TXNRD3: variants seen among roughly 807,000 people sequenced by gnomAD.
TXNRD3 encodes the protein TXNRD3 neighbor gene protein.
In TXNRD3, 68 loss-of-function variants were observed where a neutral mutation model predicts 78.2. That is an observed-to-expected ratio of 0.87 (90% CI 0.72 to 1.06). The LOEUF (loss-of-function observed/expected upper bound fraction) is 1.06. TXNRD3 is among the 50% of genes least tolerant of loss of function. TXNRD3 has a pLI of 0.00. For missense variants in TXNRD3, 751 were observed against 809.5 expected (o/e 0.93, Z 0.88); for synonymous variants, 296 against 300.1 (o/e 0.99, Z 0.14).
chr3:126,639,307 C>A (rs980399604), intron 6 of TXNRD3, among the ~76,000 whole-genome samples: 2 of 152,182 alleles, frequency 1.3e-5, no homozygotes, highest in Admixed American at 1.3e-4. Context: ...CCAAACTCCT[C>A]CTGGCTTCTG....
chr3:126,653,496 A>C (rs563926909), intron 1 of TXNRD3, among the ~76,000 whole-genome samples: 1 of 152,406 alleles, frequency 6.6e-6, no homozygotes, highest in South Asian at 2.1e-4. Flanking sequence ...ATGCAAAATC[A>C]AACCATAATG....
intron 5 of TXNRD3, among the ~76,000 whole-genome samples, 191 bp from the exon 6 acceptor site, chr3:126,642,342 T>C (rs192794360): frequency 3.2e-4 from 48 of 151,954 alleles, no homozygotes; most frequent in African/African-American, 1.1e-3. Context: ...CAAAGATGAG[T>C]AAAAATACAG....
intron 1 of TXNRD3, among the ~76,000 whole-genome samples, chr3:126,650,252 A>G (rs1933340012): frequency 6.6e-6 from 1 of 152,176 alleles, no homozygotes; most frequent in Admixed American, 6.5e-5. Flanking sequence ...GTTTCATATG[A>G]TGGCTAGATT....
intron 10 of TXNRD3, chr3:126,624,941 T>G (rs1177714792): frequency 9.9e-6 from 2 of 202,364 alleles, no homozygotes; most frequent in Middle Eastern, 1.1e-3. Context: ...TTGACATAGA[T>G]GCAGGTGCAC....
At chr3:126,644,461 G>C (rs1401562443) in intron 3 of TXNRD3, 60 bp from the exon 4 acceptor site, 7 of 1,146,858 alleles carry the variant, frequency 6.1e-6, no homozygotes, top group African/African-American at 3.1e-5. Context: ...AGCTATTTAT[G>C]TACACCCTAT....
In TXNRD3 at chr3:126,611,150, G is replaced by A. The variant is rs754015073; in HGVS notation, c.1633-18C>T. 51 of 1,452,698 alleles carry A rather than the reference G, an allele frequency of 3.5e-5. No individual in the cohort carries two copies. In the East Asian group the frequency reaches 1.2e-3, roughly 33 times the overall value. 90.0% of individuals were successfully genotyped at this position (1,452,698 alleles called of 1,614,324 possible). On this transcript the variant is annotated intron_variant, in intron 13 of 15. Transcript: ENST00000524230. ...TGATATATCTGGAAGATAAAAGAGA[G>A]AAAAAGGGCAGAATTAATGTATATG...
At chr3:126,611,702 T>C (rs138166166) in intron 13 of TXNRD3, among the ~76,000 whole-genome samples, 1 of 152,298 alleles carries the variant, frequency 6.6e-6, no homozygotes, top group African/African-American at 2.4e-5. Flanking sequence ...TAAAATGCCA[T>C]GTGCCCTCTC....
chr3:126,619,377 A>G (rs1938390410), intron 12 of TXNRD3, among the ~76,000 whole-genome samples: 2 of 152,210 alleles, frequency 1.3e-5, no homozygotes, highest in African/African-American at 4.8e-5. Flanking sequence ...CTATTCAGCC[A>G]TAAAGAAGAA....
At position 126,655,086 on chromosome 3, in the gene TXNRD3, T is replaced by TGCCCTCGCTGGCC; in HGVS notation, c.-109_-97dup. The TGCCCTCGCTGGCC allele has an allele frequency of 1.5e-6, 2 of 1,298,832 alleles. No individual in the cohort carries two copies. The highest frequency in any genetic ancestry group is 8.0e-5 in the Admixed American group (2 of 24,966). 80.5% of individuals were successfully genotyped at this position (1,298,832 alleles called of 1,614,324 possible). ...ACGGGGCCTGAGGGGCGGCGAACGC[T>TGCCCTCGCTGGCC]GCCCTCGCTGGCCACTCTCACCACC... On this transcript the variant is annotated 5_prime_UTR_variant, in exon 1 of 16. Transcript: ENST00000524230.
intron 11 of TXNRD3, among the ~76,000 whole-genome samples, 172 bp downstream of exon 11, chr3:126,622,292 C>A (rs1938475897): frequency 6.6e-6 from 1 of 152,102 alleles, no homozygotes. Flanking sequence ...GGCATATGAG[C>A]TTTTTAAGTA....
chr3:126,637,292 G>GAGT (rs1932931888), intron 6 of TXNRD3, among the ~76,000 whole-genome samples: 1 of 152,090 alleles, frequency 6.6e-6, no homozygotes, highest in Admixed American at 6.5e-5. Flanking sequence ...AATGTCTGAT[G>GAGT]CTGCATATCT....
At position 126,621,909 on chromosome 3, in the gene TXNRD3, T is replaced by A; in HGVS notation, c.1368-11A>T. 6.7e-7 allele frequency: 1 copy of A among 1,491,480 alleles called. No individual in the cohort carries two copies. Among genetic ancestry groups the A allele is most frequent in the Non-Finnish European group, 8.9e-7 (1 of 1,128,976 alleles). The allele number at this position is 1,491,480 out of a possible 1,614,324, so 92.4% of individuals were successfully genotyped here. A position where few individuals can be genotyped will look rare whatever the true frequency, so the allele number is the denominator to read the frequency against. On this transcript the variant is annotated splice_polypyrimidine_tract_variant and intron_variant, in intron 11 of 15. Transcript: ENST00000524230. ...GGTATTTTTCCACTCCTATTAGTTTTTGAAATGGGAAAAAATATATATTAC... is the reference window on the plus strand; with the variant it reads ...GGTATTTTTCCACTCCTATTAGTTTATGAAATGGGAAAAAATATATATTAC...
rs757189962 is a variant in TXNRD3, at chr3:126,644,365, C to T, written c.451G>A (p.Glu151Lys). ...AGATCATAATCATATGCCAAATCTT[C>T]CTGAAGGAGCTTCTGTAACAAACCA... The change falls in exon 4 of 16, where the codon GAA becomes AAA. Residue 151 changes from glutamate to lysine, a missense_variant. By Grantham distance (56) the Glu-to-Lys change is moderately conservative. Coordinates refer to ENST00000524230, the MANE Select transcript of TXNRD3 (RefSeq NM_052883.3). 1.3e-6 allele frequency: 2 copies of T among 1,536,270 alleles called. No homozygotes were observed. The highest frequency in any genetic ancestry group is 8.7e-7 in the Non-Finnish European group (1 of 1,146,932).
At chr3:126,638,349 G>A (rs1932960485) in intron 6 of TXNRD3, among the ~76,000 whole-genome samples, 1 of 152,126 alleles carries the variant, frequency 6.6e-6, no homozygotes, top group South Asian at 2.1e-4. Flanking sequence ...CTCAGATTCT[G>A]ATGACTTCTC....
intron 10 of TXNRD3, chr3:126,624,882 G>T: frequency 4.7e-6 from 1 of 214,762 alleles, no homozygotes; most frequent in Non-Finnish European, 1.0e-5. Flanking sequence ...TGGCTGTGGA[G>T]TGCTTAGTCT....
chr3:126,643,546 T>C (rs1933145164), intron 5 of TXNRD3, among the ~76,000 whole-genome samples: 1 of 152,164 alleles, frequency 6.6e-6, no homozygotes, highest in Non-Finnish European at 1.5e-5. Context: ...ACACAGTACA[T>C]ACACTGTGAC....
intron 9 of TXNRD3, among the ~76,000 whole-genome samples, chr3:126,629,904 A>G (rs978765787): frequency 6.6e-6 from 1 of 152,250 alleles, no homozygotes; most frequent in East Asian, 1.9e-4. Context: ...ATAAATGAGT[A>G]TGGAATTCAG....
intron 6 of TXNRD3, among the ~76,000 whole-genome samples, chr3:126,641,080 T>C (rs1356878245): frequency 6.6e-6 from 1 of 152,204 alleles, no homozygotes; most frequent in East Asian, 1.9e-4. Flanking sequence ...ACCCTAGTTA[T>C]TGATCCTTGT....
At chr3:126,613,443 A>T (rs1938241189) in intron 13 of TXNRD3, among the ~76,000 whole-genome samples, 1 of 152,210 alleles carries the variant, frequency 6.6e-6, no homozygotes, top group Non-Finnish European at 1.5e-5. Flanking sequence ...TTCAAAGACA[A>T]CTTGAAAGCA....
Sources: allele counts gnomAD v4.1 joint callset (sites outside exome capture counted in the v4.1 genomes callset), GRCh38; gene constraint gnomAD v4.1.1; transcripts MANE v1.5; gene names NCBI Gene and HGNC (gene_info 2026-07-23, HGNC 2026-07-21).